The following ZC3H7A variants were observed in gnomAD, a reference collection of about 807,000 sequenced individuals.
ZC3H7A encodes the protein zinc finger CCCH domain-containing protein 7A.
ZC3H7A carries 44 observed loss-of-function variants against 125.5 expected under a neutral mutation model. The observed-to-expected ratio is 0.35, with a 90% CI of 0.28 to 0.45. The LOEUF (loss-of-function observed/expected upper bound fraction) is 0.45, where lower values mean the gene tolerates loss of function less well. Among genes scored for constraint, ZC3H7A ranks in the 20% least tolerant of loss-of-function variants. ZC3H7A has a pLI of 1.00. For synonymous variants in ZC3H7A, 399 were observed against 391.2 expected (o/e 1.02, Z -0.23); for missense variants, 977 against 1,170.7 (o/e 0.83, Z 2.41).
Position 11,758,461 on chromosome 16 carries a change from C to G in ZC3H7A, c.2398G>C (p.Glu800Gln), listed in dbSNP as rs770039733. 6.2e-7 allele frequency: 1 copy of G among 1,613,828 alleles called. No individual in the cohort carries two copies. Residue 800 changes from glutamate (E) to glutamine (Q), a missense_variant, in exon 20 of 23, where the codon GAA (glutamate) becomes CAA (glutamine). Glu to Gln is a conservative substitution (Grantham distance 29). Coordinates refer to ENST00000355758, the MANE Select transcript of ZC3H7A (RefSeq NM_014153.4). ...CSFAHSPEER[E>Q]VWTYMKENGI... ...TTCTCCTTCATGTAAGTCCAAACTT[C>G]TCTTTCCTCAGGACTATGAGCAAAG...
chr16:11,782,203 A>T, intron 2 of ZC3H7A, 84 bp downstream of exon 2: 1 of 1,485,356 alleles, frequency 6.7e-7, no homozygotes, highest in South Asian at 1.1e-5. Context: ...AAACATGACT[A>T]AAGAGTTCTT....
At position 11,765,082 on chromosome 16, in the gene ZC3H7A, C is replaced by G. The variant is rs1437625465; in HGVS notation, c.1791G>C (p.Pro597=). ...NKDNSTACSH[P]VTKHEFEDNK... ...TGTCTTCAAACTCATGCTTTGTAACCGGGTGAGAACAAGCAGTAGAATTAT... is the reference window on the plus strand; with the variant it reads ...TGTCTTCAAACTCATGCTTTGTAACGGGGTGAGAACAAGCAGTAGAATTAT... The change falls in exon 15 of 23, where the codon CCG becomes CCC. Residue 597 remains proline, a synonymous_variant. Coordinates refer to ENST00000355758, the MANE Select transcript of ZC3H7A (RefSeq NM_014153.4). The surrounding 1 kb of genome is among the most constrained non-coding windows in gnomAD (Gnocchi z 4.8). 6.3e-7 allele frequency: 1 copy of G among 1,587,906 alleles called. No homozygotes were observed. The highest frequency in any genetic ancestry group is 1.2e-5 in the South Asian group (1 of 86,642).
rs2052695475 is a variant in ZC3H7A, at chr16:11,758,845, C to T, written c.2320-306G>A. ...AACATTTAATCTCCACAATGAACAT[C>T]CCTGGCCCTCTCAGTCTGACAGCTC... On this transcript the variant is annotated intron_variant, in intron 19 of 22. Transcript: ENST00000355758. The T allele has an allele frequency of 1.0e-5, 3 of 286,394 alleles. No individual in the cohort carries two copies. The South Asian group carries it at 1.1e-4, about 10-fold the overall frequency. The allele number at this position is 286,394 out of a possible 1,614,324, so 17.7% of individuals were successfully genotyped here.
rs150512321 is a variant in ZC3H7A at position 11,754,313 on chromosome 16, GAA to G, written c.2563-1483_2563-1482del. ...TCTCAAAAAAAAAAAAAAAAAGGAA[GAA>G]AAAAAAATATATATATATATATAAT... is the stretch of plus-strand genomic sequence containing the variant. On this transcript the variant is annotated intron_variant, in intron 21 of 22. Coordinates refer to ENST00000355758, the MANE Select transcript of ZC3H7A (RefSeq NM_014153.4). 1.7e-4 allele frequency among the ~76,000 whole-genome samples: 20 copies of G among 119,816 alleles called. 1 individual carries two copies. Among genetic ancestry groups the G allele is most frequent in the African/African-American group, 6.3e-4 (19 of 30,186 alleles). The allele number at this position is 119,816 out of a possible 152,430, so 78.6% of individuals were successfully genotyped here.
At chr16:11,769,784 C>CTTTTTTATTTTTTTTTTTTTTT (rs2052943701) in intron 10 of ZC3H7A, among the ~76,000 whole-genome samples, 1 of 61,608 alleles carries the variant, frequency 1.6e-5, no homozygotes, top group African/African-American at 9.7e-5. Context: ...CAATTGCTTT[C>CTTTTTTATTTTTTTTTTTTTTT]TTTTTTTTTT....
At chr16:11,757,241 T>G (rs1195967458) in intron 20 of ZC3H7A, among the ~76,000 whole-genome samples, 1 of 151,964 alleles carries the variant, frequency 6.6e-6, no homozygotes, top group East Asian at 1.9e-4. Flanking sequence ...TCCCAGCACT[T>G]TGGGAGGCTG....
At chr16:11,760,484 G>C (rs899026523) in intron 19 of ZC3H7A, among the ~76,000 whole-genome samples, 7 of 152,312 alleles carry the variant, frequency 4.6e-5, no homozygotes, top group African/African-American at 1.4e-4. Flanking sequence ...TGTGTTACTT[G>C]TGTAAGTTTT....
intron 13 of ZC3H7A, 72 bp downstream of exon 13, chr16:11,767,345 G>C: frequency 9.8e-7 from 1 of 1,022,108 alleles, no homozygotes; most frequent in Non-Finnish European, 1.4e-6. Context: ...AATGTATCCT[G>C]TCATTAAGCT....
intron 1 of ZC3H7A, among the ~76,000 whole-genome samples, chr16:11,790,214 C>T (rs1445733129): frequency 2.0e-5 from 3 of 152,110 alleles, no homozygotes; most frequent in African/African-American, 7.2e-5. Flanking sequence ...TTCCCCACTT[C>T]ACCCAGGCAT....
intron 22 of ZC3H7A, 128 bp downstream of exon 22, chr16:11,752,541 C>T (rs976695254): frequency 8.5e-7 from 1 of 1,181,298 alleles, no homozygotes; most frequent in Non-Finnish European, 1.2e-6. Context: ...ACCCAAGAAT[C>T]CTTCAGGGTC....
At chr16:11,762,812 G>A in intron 16 of ZC3H7A, 65 bp from the exon 17 acceptor site, 6 of 1,510,924 alleles carry the variant, frequency 4.0e-6, no homozygotes, top group Non-Finnish European at 5.5e-6. Context: ...CAATCTGGGT[G>A]CAGTCAGACG....
At chr16:11,779,778 G>C (rs1233371174) in intron 3 of ZC3H7A, among the ~76,000 whole-genome samples, 2 of 152,046 alleles carry the variant, frequency 1.3e-5, no homozygotes, top group Non-Finnish European at 2.9e-5. Context: ...ATACACACTA[G>C]GTAGTGTGTG....
intron 15 of ZC3H7A, 76 bp from the exon 16 acceptor site, chr16:11,763,735 A>AAAGTTC: frequency 4.5e-4 from 9 of 20,192 alleles, no homozygotes; most frequent in South Asian, 3.4e-3. Context: ...ATATATATAT[A>AAAGTTC]TATATATATA....
Position 11,768,442 on chromosome 16 carries a change from A to G in ZC3H7A, c.1233T>C (p.Pro411=), listed in dbSNP as rs551902185. 41 of 1,568,292 alleles carry G rather than the reference A, an allele frequency of 2.6e-5. 1 individual carries two copies. In the South Asian group the frequency reaches 3.6e-4, roughly 14 times the overall value. The change falls in exon 12 of 23, where the codon CCT becomes CCC. Residue 411 remains proline, a synonymous_variant. Coordinates refer to ENST00000355758, the MANE Select transcript of ZC3H7A (RefSeq NM_014153.4). ...CAAAAAAGTTTCCAAAGTCATTTCT[A>G]GGCTGACTTGAAATTCCCAGGAAAT... The part of the protein sequence containing the change: ...SENFLGISSQ[P]RNDFGNFFGS...
chr16:11,794,628 T>C (rs956796777), intron 1 of ZC3H7A, among the ~76,000 whole-genome samples: 1 of 152,162 alleles, frequency 6.6e-6, no homozygotes, highest in South Asian at 2.1e-4. Flanking sequence ...TAGAAAGCCC[T>C]TTCTAGGGTA....
rs374752929 is a variant in ZC3H7A at position 11,752,665 on chromosome 16, A to C, written c.2726+4T>G. The C allele has an allele frequency of 2.5e-6, 4 of 1,610,084 alleles. No homozygotes were observed. The Admixed American group carries it at 6.9e-5, about 28-fold the overall frequency. Reference sequence around the variant, plus strand: ...ACATGGAAAAATTGTAGAAACCTACATACCTATCACAAATACTGAAATAGC... The same window carrying C: ...ACATGGAAAAATTGTAGAAACCTACCTACCTATCACAAATACTGAAATAGC... On this transcript the variant is annotated splice_donor_region_variant and intron_variant, in intron 22 of 22. Transcript: ENST00000355758.
intron 3 of ZC3H7A, among the ~76,000 whole-genome samples, chr16:11,781,145 C>CA (rs2053167368): frequency 6.6e-6 from 1 of 152,108 alleles, no homozygotes. Flanking sequence ...ACTTTTTCTG[C>CA]AAATGCCCAG....
intron 21 of ZC3H7A, among the ~76,000 whole-genome samples, chr16:11,754,933 G>A (rs548276086): frequency 1.3e-5 from 2 of 150,600 alleles, no homozygotes; most frequent in South Asian, 4.2e-4. Context: ...GTGTTGGCCG[G>A]GCACAGTGGC....
chr16:11,767,363 A>T (rs1447230114), intron 13 of ZC3H7A, 54 bp downstream of exon 13: 12 of 1,293,862 alleles, frequency 9.3e-6, no homozygotes, highest in Non-Finnish European at 1.2e-5. Flanking sequence ...GCTAAGCATG[A>T]CTGTAGTTCA....
Sources: gnomAD v4.1 joint callset for allele counts (sites outside exome capture counted in the v4.1 genomes callset) on GRCh38, gnomAD v4.1.1 for gene constraint, Gnocchi (gnomAD v3.1) non-coding constraint, MANE v1.5 for transcripts, NCBI Gene and HGNC (gene_info 2026-07-23, HGNC 2026-07-21) for gene names.